ZNF383: variants seen among roughly 807,000 people sequenced by gnomAD.
ZNF383 encodes the protein zinc finger protein 383.
ZNF383 carries 32 observed loss-of-function variants against 44.2 expected under a neutral mutation model. The observed-to-expected ratio is 0.72, with a 90% confidence interval of 0.55 to 0.97. The LOEUF is 0.97. Ranked by LOEUF, ZNF383 falls within the 50% of genes least tolerant of loss-of-function variation. ZNF383 has a pLI of 0.00. For synonymous variants in ZNF383, 155 were observed against 186.2 expected (o/e 0.83, Z 1.36); for missense variants, 487 against 562.5 (o/e 0.87, Z 1.36).
chr19:37,238,645 G>A (rs1973937996), intron 5 of ZNF383, among the ~76,000 whole-genome samples: 1 of 152,134 alleles, frequency 6.6e-6, no homozygotes, highest in Admixed American at 6.6e-5. Flanking sequence ...GAGCAAAGCG[G>A]GAATTGTAGA....
At chr19:37,229,766 A>G (rs1341916766) in intron 2 of ZNF383, among the ~76,000 whole-genome samples, 1 of 140,910 alleles carries the variant, frequency 7.1e-6, no homozygotes, top group Non-Finnish European at 1.5e-5. Flanking sequence ...ATGTGTGTAT[A>G]TATGTATATA....
At chr19:37,238,078 G>A (rs953618523) in intron 5 of ZNF383, among the ~76,000 whole-genome samples, 1 of 151,814 alleles carries the variant, frequency 6.6e-6, no homozygotes, top group East Asian at 1.9e-4. Context: ...GCCCAGGCTG[G>A]TCTCTAACTC....
At chr19:37,230,547 A>G in intron 3 of ZNF383, 85 bp downstream of exon 3, 3 of 1,487,980 alleles carry the variant, frequency 2.0e-6, no homozygotes, top group East Asian at 2.3e-5. Flanking sequence ...TTATCCTGAC[A>G]TTTCTGGCTA....
chr19:37,222,624 C>A (rs555245898), intron 1 of ZNF383, among the ~76,000 whole-genome samples: 3 of 152,134 alleles, frequency 2.0e-5, no homozygotes, highest in East Asian at 1.9e-4. Flanking sequence ...GTGATCCGCC[C>A]GCCTCGGCCT....
chr19:37,221,845 A>G (rs1013839156), intron 1 of ZNF383, among the ~76,000 whole-genome samples: 1 of 151,206 alleles, frequency 6.6e-6, no homozygotes, highest in Admixed American at 6.6e-5. Context: ...AGTCCCAGCT[A>G]CTTGGGAAGC....
chr19:37,221,955 CAAAAAA>C, intron 1 of ZNF383, among the ~76,000 whole-genome samples: 1 of 93,960 alleles, frequency 1.1e-5, no homozygotes, highest in South Asian at 3.6e-4. Flanking sequence ...GACTCTGTCT[CAAAAAA>C]AAAAAAAAAA....
chr19:37,238,476 GC>G (rs1480119349), intron 5 of ZNF383, among the ~76,000 whole-genome samples: 2 of 152,038 alleles, frequency 1.3e-5, no homozygotes, highest in Non-Finnish European at 2.9e-5. Flanking sequence ...GCTAGAGAGG[GC>G]CTCTCTGATG....
rs1043219728 is a variant in ZNF383, at chr19:37,243,867, C to A, written c.*203C>A. 4.5e-6 allele frequency: 2 copies of A among 441,770 alleles called. No individual in the cohort carries two copies. 27.4% of individuals were successfully genotyped at this position (441,770 alleles called of 1,614,324 possible). A position where few individuals can be genotyped will look rare whatever the true frequency, so the allele number is the denominator to read the frequency against. On this transcript the variant is annotated 3_prime_UTR_variant, in exon 6 of 6. Transcript: ENST00000684119. Reference sequence around the variant, plus strand: ...TACCGATGCCAGCTGTTCTATAATTCTTTCATTCATTGTTTTGTTCTACTT... The same window carrying A: ...TACCGATGCCAGCTGTTCTATAATTATTTCATTCATTGTTTTGTTCTACTT...
At chr19:37,227,747 A>T (rs1404746706) in intron 2 of ZNF383, 1 of 152,348 alleles carries the variant, frequency 6.6e-6, no homozygotes, top group Non-Finnish European at 1.5e-5. Flanking sequence ...GTGATCGGTA[A>T]GGTCGCGTGA....
In ZNF383 at chr19:37,234,508, C is replaced by A. The variant is rs1568527016; in HGVS notation, c.10-1041C>A. The stretch of plus-strand genomic sequence containing the variant: ...GATTCACGCCACTCTCCTGCCTCAG[C>A]CTCCTGAGTAGCTGAGGACTACAGG... On this transcript the variant is annotated intron_variant, in intron 3 of 5. Transcript: ENST00000684119. 3.3e-5 allele frequency among the ~76,000 whole-genome samples: 5 copies of A among 152,284 alleles called. No homozygotes were observed. In the South Asian group the frequency reaches 1.0e-3, roughly 32 times the overall value.
rs1368511049 is a variant in ZNF383, at chr19:37,242,997, A to G, written c.761A>G (p.Tyr254Cys). Residue 254 changes from tyrosine to cysteine, a missense_variant, in exon 6 of 6, where the codon TAT becomes TGT. Transcript: ENST00000684119. ...HQRIHTGKKPYECKECGKAFS... is the reference protein window; with the variant it reads ...HQRIHTGKKPCECKECGKAFS... Reference sequence around the variant, plus strand: ...AGAATCCATACCGGTAAGAAACCCTATGAATGTAAGGAATGTGGGAAGGCC... The same window carrying G: ...AGAATCCATACCGGTAAGAAACCCTGTGAATGTAAGGAATGTGGGAAGGCC... The G allele has an allele frequency of 3.7e-6, 6 of 1,613,986 alleles. No homozygotes were observed. In the African/African-American group the frequency reaches 8.0e-5, roughly 22 times the overall value.
At chr19:37,239,386 A>G (rs903370325) in intron 5 of ZNF383, among the ~76,000 whole-genome samples, 2 of 152,236 alleles carry the variant, frequency 1.3e-5, no homozygotes, top group African/African-American at 4.8e-5. Flanking sequence ...TATTGTAGGC[A>G]TATTGAAATA....
At chr19:37,238,019 C>T (rs1031179331) in intron 5 of ZNF383, among the ~76,000 whole-genome samples, 21 of 152,052 alleles carry the variant, frequency 1.4e-4, no homozygotes, top group South Asian at 4.2e-4. Context: ...CACGTCACCA[C>T]GCCCAGCTAA....
intron 5 of ZNF383, among the ~76,000 whole-genome samples, chr19:37,238,523 G>A (rs1973933039): frequency 6.6e-6 from 1 of 151,974 alleles, no homozygotes; most frequent in Admixed American, 6.6e-5. Flanking sequence ...AGGAAGTGAG[G>A]GAACAGGTAA....
At chr19:37,221,932 G>T (rs1316249725) in intron 1 of ZNF383, among the ~76,000 whole-genome samples, 3 of 144,040 alleles carry the variant, frequency 2.1e-5, no homozygotes, top group Non-Finnish European at 4.5e-5. Context: ...CTCCAGCCTG[G>T]CCGACAGAGC....
At chr19:37,236,633 G>C (rs1047021991) in intron 5 of ZNF383, among the ~76,000 whole-genome samples, 2 of 151,014 alleles carry the variant, frequency 1.3e-5, no homozygotes, top group Non-Finnish European at 2.9e-5. Flanking sequence ...TGCAGGGTGC[G>C]ATCTTGGTTC....
chr19:37,243,089 A>G lies in ZNF383; in HGVS notation c.853A>G (p.Lys285Glu), dbSNP rs746317558. The change falls in exon 6 of 6, where the codon AAA becomes GAA. Residue 285 changes from lysine (K) to glutamate (E), a missense_variant. Physicochemically the swap from Lys to Glu is moderately conservative, Grantham distance 56. Coordinates refer to ENST00000684119, the MANE Select transcript of ZNF383 (RefSeq NM_001387601.1). ...IHTGEKPYECKVCGKAFTKSS... is the reference protein window; with the variant it reads ...IHTGEKPYECEVCGKAFTKSS... ...CACTGGTGAAAAACCTTATGAATGT[A>G]AAGTATGTGGGAAAGCCTTTACTAA... is the stretch of plus-strand genomic sequence containing the variant. 1.2e-6 allele frequency: 2 copies of G among 1,614,142 alleles called. No homozygotes were observed. Among genetic ancestry groups the G allele is most frequent in the Non-Finnish European group, 1.7e-6 (2 of 1,180,018 alleles).
At position 37,235,691 on chromosome 19, in the gene ZNF383, C is replaced by T. The variant is rs1973756052; in HGVS notation, c.136+16C>T. ...GTTTCAATGGGTAAGGGCATCTGTACCAGTGATTCCCAGTTCTCCTCTGGA... is the reference window on the plus strand; with the variant it reads ...GTTTCAATGGGTAAGGGCATCTGTATCAGTGATTCCCAGTTCTCCTCTGGA... On this transcript the variant is annotated intron_variant, in intron 4 of 5. Coordinates refer to ENST00000684119, the MANE Select transcript of ZNF383 (RefSeq NM_001387601.1). 3 of 1,572,386 alleles carry T rather than the reference C, an allele frequency of 1.9e-6. No homozygotes were observed. Among genetic ancestry groups the T allele is most frequent in the Non-Finnish European group, 2.6e-6 (3 of 1,160,476 alleles).
intron 1 of ZNF383, 22 bp from the exon 2 acceptor site, chr19:37,224,796 A>C: frequency 7.0e-6 from 1 of 143,004 alleles, no homozygotes. Flanking sequence ...TACCATCTTA[A>C]TCTTTGTTTT....
Sources: allele counts gnomAD v4.1 joint callset (sites outside exome capture counted in the v4.1 genomes callset), GRCh38; gene constraint gnomAD v4.1.1; transcripts MANE v1.5; gene names NCBI Gene and HGNC (gene_info 2026-07-23, HGNC 2026-07-21).